The following PCDH9 variants were observed in gnomAD, a reference collection of about 807,000 sequenced individuals.
PCDH9 encodes the protein protocadherin-9.
PCDH9 carries 24 observed loss-of-function variants against 70.6 expected under a neutral mutation model. The observed-to-expected ratio is 0.34, with a 90% confidence interval of 0.25 to 0.48. PCDH9 has a LOEUF of 0.48. Among genes scored for constraint, PCDH9 ranks in the 20% least tolerant of loss-of-function variants. PCDH9 has a pLI of 0.99. For synonymous variants in PCDH9, 562 were observed against 558.5 expected (o/e 1.01, Z -0.09); for missense variants, 1,281 against 1,503.6 (o/e 0.85, Z 2.45).
chr13:66,881,219 A>G (rs1210961610), intron 3 of PCDH9, among the ~76,000 whole-genome samples: 1 of 152,182 alleles, frequency 6.6e-6, no homozygotes, highest in Non-Finnish European at 1.5e-5. Context: ...TATTAGTGTT[A>G]GTCCGTTTTC....
chr13:66,683,985 C>A (rs1319041220), intron 3 of PCDH9, among the ~76,000 whole-genome samples: 1 of 152,130 alleles, frequency 6.6e-6, no homozygotes, highest in Non-Finnish European at 1.5e-5. Context: ...AGATTCTGTG[C>A]CTTATTGCCT....
intron 4 of PCDH9, among the ~76,000 whole-genome samples, chr13:66,324,189 A>G (rs1593798694): frequency 6.6e-6 from 1 of 152,034 alleles, no homozygotes; most frequent in East Asian, 1.9e-4. Flanking sequence ...TGGGAAACCC[A>G]TGAGGCTGGA....
chr13:66,574,440 G>T (rs1208484135), intron 4 of PCDH9, among the ~76,000 whole-genome samples: 1 of 152,070 alleles, frequency 6.6e-6, no homozygotes, highest in Non-Finnish European at 1.5e-5. Context: ...ACCTTAAATT[G>T]ATGATATACA....
intron 4 of PCDH9, among the ~76,000 whole-genome samples, chr13:66,454,283 G>A (rs374331966): frequency 7.2e-5 from 11 of 151,990 alleles, no homozygotes; most frequent in South Asian, 2.1e-4. Context: ...GAGCTACAAC[G>A]AAGGAGAAAA....
chr13:66,587,707 A>G (rs1399536630), intron 4 of PCDH9, among the ~76,000 whole-genome samples: 1 of 152,012 alleles, frequency 6.6e-6, no homozygotes, highest in Non-Finnish European at 1.5e-5. Context: ...CGTCAGAGGT[A>G]GACTTCCTGA....
intron 4 of PCDH9, among the ~76,000 whole-genome samples, chr13:66,583,018 T>C (rs945412946): frequency 3.3e-5 from 5 of 152,076 alleles, no homozygotes; most frequent in African/African-American, 1.2e-4. Flanking sequence ...TTTAGTAGTC[T>C]TTTAGACCTC....
At chr13:67,053,238 C>CA (rs941901819) in intron 2 of PCDH9, among the ~76,000 whole-genome samples, 1 of 151,958 alleles carries the variant, frequency 6.6e-6, no homozygotes, top group Non-Finnish European at 1.5e-5. Flanking sequence ...GAGCTTTGTC[C>CA]AAAAATAAAT....
intron 4 of PCDH9, among the ~76,000 whole-genome samples, chr13:66,625,907 GTCC>G (rs2077492270): frequency 6.6e-6 from 1 of 151,968 alleles, no homozygotes; most frequent in Non-Finnish European, 1.5e-5. Context: ...CAAATGATCT[GTCC>G]TCCTCAGCCT....
intron 2 of PCDH9, among the ~76,000 whole-genome samples, chr13:67,094,723 A>C (rs140121273): frequency 1.3e-5 from 2 of 151,870 alleles, no homozygotes; most frequent in Non-Finnish European, 2.9e-5. Flanking sequence ...TTTTCAAAAG[A>C]AGTATAATGT....
chr13:67,085,214 A>G (rs2086082847), intron 2 of PCDH9, among the ~76,000 whole-genome samples: 1 of 151,630 alleles, frequency 6.6e-6, no homozygotes, highest in Non-Finnish European at 1.5e-5. Context: ...TTTCTGGTAG[A>G]AATTCCATTG....
chr13:66,980,505 A>G (rs1312489497), intron 2 of PCDH9, among the ~76,000 whole-genome samples: 1 of 152,140 alleles, frequency 6.6e-6, no homozygotes, highest in Non-Finnish European at 1.5e-5. Context: ...AGAAATTTTT[A>G]TCTATCCTTC....
At chr13:66,544,111 A>G (rs1272554394) in intron 4 of PCDH9, among the ~76,000 whole-genome samples, 1 of 152,214 alleles carries the variant, frequency 6.6e-6, no homozygotes, top group Non-Finnish European at 1.5e-5. Flanking sequence ...TACTTATGAT[A>G]TACAGGACCT....
In PCDH9 at chr13:66,622,712, C is replaced by G. The variant is rs538334221; in HGVS notation, c.3340+8498G>C. The stretch of plus-strand genomic sequence containing the variant: ...CGCCCTGTCAAAACAGACCACTGGT[C>G]TCTACCAATCAGCAGGATGTGGGTG... On this transcript the variant is annotated intron_variant, in intron 4 of 4. Coordinates refer to ENST00000377865, the MANE Select transcript of PCDH9 (RefSeq NM_203487.3). Among the ~76,000 whole-genome samples, 406 of 152,302 alleles carry G rather than the reference C, an allele frequency of 2.7e-3. 1 individual carries two copies. The highest frequency in any genetic ancestry group is 6.8e-3 in the Middle Eastern group (2 of 294).
intron 3 of PCDH9, among the ~76,000 whole-genome samples, chr13:66,756,142 G>A (rs2079535400): frequency 6.6e-6 from 1 of 152,108 alleles, no homozygotes; most frequent in Admixed American, 6.5e-5. Flanking sequence ...TTGTAATTAA[G>A]TACCTATTGT....
chr13:67,157,113 G>C (rs1018133955), intron 2 of PCDH9, among the ~76,000 whole-genome samples: 6 of 152,018 alleles, frequency 3.9e-5, no homozygotes, highest in African/African-American at 1.4e-4. Context: ...CTGATGCTTC[G>C]ATCAATGCCT....
At chr13:67,092,256 A>C (rs1283513732) in intron 2 of PCDH9, among the ~76,000 whole-genome samples, 1 of 152,190 alleles carries the variant, frequency 6.6e-6, no homozygotes, top group Non-Finnish European at 1.5e-5. Flanking sequence ...TATGATACTT[A>C]CAATACATGC....
At chr13:66,877,423 T>G (rs2081836162) in intron 3 of PCDH9, among the ~76,000 whole-genome samples, 1 of 151,904 alleles carries the variant, frequency 6.6e-6, no homozygotes, top group Admixed American at 6.6e-5. Context: ...ACCTCAAACT[T>G]TCAAAGGTTC....
At chr13:66,574,937 C>G (rs2076791986) in intron 4 of PCDH9, among the ~76,000 whole-genome samples, 1 of 152,114 alleles carries the variant, frequency 6.6e-6, no homozygotes. Flanking sequence ...CTTCGGGAGG[C>G]TGAGATGGGA....
At chr13:66,629,572 A>C (rs2077542995) in intron 4 of PCDH9, among the ~76,000 whole-genome samples, 1 of 152,180 alleles carries the variant, frequency 6.6e-6, no homozygotes, top group African/African-American at 2.4e-5. Context: ...TGTTCTCCCA[A>C]ATTCAGTGTA....
Sources: allele counts gnomAD v4.1 joint callset (sites outside exome capture counted in the v4.1 genomes callset), GRCh38; gene constraint gnomAD v4.1.1; transcripts MANE v1.5; gene names NCBI Gene and HGNC (gene_info 2026-07-23, HGNC 2026-07-21).